Variants in STAG1 observed in about 807,000 individuals in gnomAD.
STAG1 encodes cohesin subunit SA-1.
In STAG1, 26 loss-of-function variants were observed where a neutral mutation model predicts 170.9. The ratio of observed to expected loss-of-function variants is 0.15; its 90% confidence interval spans 0.11 to 0.21. The LOEUF (loss-of-function observed/expected upper bound fraction) is 0.21, where lower values mean the gene tolerates loss of function less well. STAG1 is among the 10% of genes least tolerant of loss of function. The pLI is 1.00. For missense variants in STAG1, 964 were observed against 1,509.5 expected (o/e 0.64, Z 5.99); for synonymous variants, 514 against 497.7 (o/e 1.03, Z -0.44).
At position 136,349,319 on chromosome 3, in the gene STAG1, C is replaced by G. The variant is rs773480676; in HGVS notation, c.3110G>C (p.Arg1037Thr). The G allele has an allele frequency of 6.2e-7, 1 of 1,614,020 alleles. No individual in the cohort carries two copies. Among genetic ancestry groups the G allele is most frequent in the Non-Finnish European group, 8.5e-7 (1 of 1,179,912 alleles). Residue 1037 changes from arginine to threonine, a missense_variant, in exon 29 of 34, where the codon AGG becomes ACG. Physicochemically the swap from Arg to Thr is moderately conservative, Grantham distance 71 (BLOSUM62 -1). Transcript: ENST00000383202. ...EKFLTEQMME[R>T]REDVWLPLIS... ...GAGTGGAAGCCATACATCCTCCCTC[C>G]TTTCCATCATCTGCTCGGTAAGGAA...
chr3:136,435,858 C>T (rs2088445224), intron 15 of STAG1, among the ~76,000 whole-genome samples: 1 of 151,560 alleles, frequency 6.6e-6, no homozygotes, highest in African/African-American at 2.4e-5. Context: ...TTAGTAGAGA[C>T]GGGGTTTCAC....
At chr3:136,479,160 C>A (rs1249473867) in intron 9 of STAG1, among the ~76,000 whole-genome samples, 1 of 146,290 alleles carries the variant, frequency 6.8e-6, no homozygotes. Context: ...ATGTGCCATG[C>A]TGGTGCGCTG....
chr3:136,439,951 G>A (rs762238295), intron 15 of STAG1, among the ~76,000 whole-genome samples: 48 of 152,024 alleles, frequency 3.2e-4, no homozygotes, highest in Non-Finnish European at 6.6e-4. Flanking sequence ...AAAATCCAAT[G>A]TAAACAGAAT....
At chr3:136,409,333 T>C (rs752142171) in intron 21 of STAG1, among the ~76,000 whole-genome samples, 3 of 151,934 alleles carry the variant, frequency 2.0e-5, no homozygotes, top group Non-Finnish European at 4.4e-5. Flanking sequence ...ATAACCACTA[T>C]TGGTTCAAAT....
chr3:136,727,435 A>C (rs1207629293), intron 1 of STAG1, among the ~76,000 whole-genome samples: 1 of 152,232 alleles, frequency 6.6e-6, no homozygotes, highest in Non-Finnish European at 1.5e-5. Context: ...GCATGTAATG[A>C]ATCTAAAGCA....
intron 4 of STAG1, among the ~76,000 whole-genome samples, chr3:136,593,157 T>C (rs979863370): frequency 1.3e-5 from 2 of 152,196 alleles, no homozygotes; most frequent in Admixed American, 6.5e-5. Context: ...AAGTTCACCA[T>C]GCTCTGGTCA....
intron 23 of STAG1, among the ~76,000 whole-genome samples, chr3:136,373,610 A>G (rs1937464853): frequency 6.6e-6 from 1 of 151,984 alleles, no homozygotes; most frequent in Non-Finnish European, 1.5e-5. Context: ...TTATGTACCC[A>G]GTAGTCATTC....
At chr3:136,699,273 A>AG (rs1942980378) in intron 1 of STAG1, among the ~76,000 whole-genome samples, 2 of 152,234 alleles carry the variant, frequency 1.3e-5, no homozygotes, top group African/African-American at 4.8e-5. Context: ...TTAATTTTAT[A>AG]GGAAGAAAAT....
intron 6 of STAG1, among the ~76,000 whole-genome samples, chr3:136,523,386 C>T (rs1348150624): frequency 1.3e-5 from 2 of 149,288 alleles, no homozygotes; most frequent in Admixed American, 1.4e-4. Context: ...AGTGTCTGTT[C>T]ATATCCTTAG....
At chr3:136,691,922 G>C (rs1942735974) in intron 1 of STAG1, among the ~76,000 whole-genome samples, 1 of 152,182 alleles carries the variant, frequency 6.6e-6, no homozygotes, top group Non-Finnish European at 1.5e-5. Flanking sequence ...TTTCAGTACA[G>C]TCCTGAGGCA....
At position 136,630,960 on chromosome 3, in the gene STAG1, T is replaced by A. The variant is rs2107838260; in HGVS notation, c.-62A>T. On this transcript the variant is annotated 5_prime_UTR_variant, in exon 2 of 34. Coordinates refer to ENST00000383202, the MANE Select transcript of STAG1 (RefSeq NM_005862.3). ...CAAGTGCTGTACAACTCAAAACTTTTAAAATAACCTCAAAGGCAATCCTGT... is the reference window on the plus strand; with the variant it reads ...CAAGTGCTGTACAACTCAAAACTTTAAAAATAACCTCAAAGGCAATCCTGT... The A allele has an allele frequency of 6.9e-7, 1 of 1,439,532 alleles. No individual in the cohort carries two copies. The highest frequency in any genetic ancestry group is 2.5e-5 in the East Asian group (1 of 40,074). 89.2% of individuals were successfully genotyped at this position (1,439,532 alleles called of 1,614,324 possible).
intron 13 of STAG1, among the ~76,000 whole-genome samples, chr3:136,462,574 A>C (rs2089304994): frequency 6.6e-6 from 1 of 152,218 alleles, no homozygotes; most frequent in Non-Finnish European, 1.5e-5. Flanking sequence ...AAATACAGTT[A>C]GAAGAAATAA....
intron 1 of STAG1, among the ~76,000 whole-genome samples, chr3:136,656,850 A>G (rs1941394717): frequency 6.6e-6 from 1 of 152,162 alleles, no homozygotes; most frequent in Admixed American, 6.5e-5. Flanking sequence ...CTCTTCCAGA[A>G]AGCATCTAAT....
Position 136,750,292 on chromosome 3 carries a change from G to A in STAG1, c.-84+1903C>T, listed in dbSNP as rs140767688. Among the ~76,000 whole-genome samples the A allele has an allele frequency of 2.4e-4, 37 of 152,224 alleles. No individual in the cohort carries two copies. In the East Asian group the frequency reaches 4.8e-3, roughly 20 times the overall value. ...CACTACAGAGTAGCTGGAACTACAG[G>A]AGTGCACCACTGGGCCCAGCTCCCC... On this transcript the variant is annotated intron_variant, in intron 1 of 33. Coordinates refer to ENST00000383202, the MANE Select transcript of STAG1 (RefSeq NM_005862.3).
At chr3:136,653,623 A>T (rs1941286050) in intron 1 of STAG1, among the ~76,000 whole-genome samples, 1 of 152,206 alleles carries the variant, frequency 6.6e-6, no homozygotes, top group African/African-American at 2.4e-5. Context: ...AATTATAAAA[A>T]TGTGGCATTG....
chr3:136,554,579 A>G (rs1936531480), intron 5 of STAG1, among the ~76,000 whole-genome samples: 1 of 151,944 alleles, frequency 6.6e-6, no homozygotes, highest in Non-Finnish European at 1.5e-5. Flanking sequence ...TAACCAGAAA[A>G]CTCTCATGCT....
intron 1 of STAG1, among the ~76,000 whole-genome samples, chr3:136,656,617 T>TGTGTGTGTGTGTGTG (rs1941381695): frequency 1.4e-5 from 2 of 143,294 alleles, no homozygotes; most frequent in African/African-American, 5.5e-5. Flanking sequence ...CTGTATTTAT[T>TGTGTGTGTGTGTGTG]TGTGTGTGTG....
intron 12 of STAG1, among the ~76,000 whole-genome samples, chr3:136,470,777 C>A (rs778566767): frequency 1.8e-4 from 28 of 152,088 alleles, no homozygotes; most frequent in Non-Finnish European, 3.2e-4. Flanking sequence ...AATGTGGCAC[C>A]TATACACCAT....
chr3:136,505,592 T>A (rs910884816), intron 7 of STAG1, among the ~76,000 whole-genome samples: 1 of 151,274 alleles, frequency 6.6e-6, no homozygotes, highest in Non-Finnish European at 1.5e-5. Flanking sequence ...AAGCACTTAT[T>A]TAAAGTCCTG....
Sources: gnomAD v4.1 joint callset for allele counts (sites outside exome capture counted in the v4.1 genomes callset) on GRCh38, gnomAD v4.1.1 for gene constraint, MANE v1.5 for transcripts, NCBI Gene and HGNC (gene_info 2026-07-23, HGNC 2026-07-21) for gene names.